The following LRRIQ3 variants were observed in gnomAD, a reference collection of about 807,000 sequenced individuals.
The protein encoded by LRRIQ3 is leucine rich repeats and IQ motif containing 3, also known as leucine-rich repeat and IQ domain-containing protein 3.
In LRRIQ3, 75 loss-of-function variants were observed where a neutral mutation model predicts 59.3. The ratio of observed to expected loss-of-function variants is 1.26; its 90% confidence interval spans 1.05 to 1.53. The LOEUF is 1.53. Among genes scored for constraint, LRRIQ3 ranks in the 40% most tolerant of loss-of-function variants. LRRIQ3 has a pLI of 0.00. For missense variants in LRRIQ3, 831 were observed against 710.0 expected (o/e 1.17, Z -1.94); for synonymous variants, 250 against 231.3 (o/e 1.08, Z -0.73).
chr1:74,163,559 T>C (rs1648786692), intron 3 of LRRIQ3, among the ~76,000 whole-genome samples: 1 of 151,676 alleles, frequency 6.6e-6, no homozygotes, highest in African/African-American at 2.4e-5. Context: ...TCTATGGACA[T>C]TCACACAGAT....
At chr1:74,051,265 A>G (rs1387516811) in intron 6 of LRRIQ3, among the ~76,000 whole-genome samples, 1 of 152,168 alleles carries the variant, frequency 6.6e-6, no homozygotes, top group African/African-American at 2.4e-5. Flanking sequence ...AGGAAAACAC[A>G]CTAAAACATG....
At chr1:74,066,989 C>T (rs142674443) in intron 6 of LRRIQ3, among the ~76,000 whole-genome samples, 400 of 152,034 alleles carry the variant, frequency 2.6e-3, no homozygotes, top group African/African-American at 9.2e-3. Context: ...ATTATGTCAC[C>T]CCAATTAAAT....
intron 6 of LRRIQ3, among the ~76,000 whole-genome samples, chr1:74,057,269 A>C (rs1654564302): frequency 6.6e-6 from 1 of 152,098 alleles, no homozygotes. Context: ...ACTCTGAGCC[A>C]AAAGAATACA....
chr1:74,138,382 G>A, intron 4 of LRRIQ3: 3 of 630,216 alleles, frequency 4.8e-6, no homozygotes, highest in Non-Finnish European at 5.9e-6. Context: ...AGTAAACTGG[G>A]GCCAAAATGC....
rs538592051 is a variant in LRRIQ3, at chr1:74,041,551, A to G, written c.1380T>C (p.His460=). The change falls in exon 7 of 8, where the codon CAT becomes CAC. Residue 460 remains histidine, a synonymous_variant. Transcript: ENST00000354431. The part of the protein sequence containing the change: ...RERVRVAVNE[H]LNQKKYATQK... ...GTGTAGCATATTTTTTCTGATTCAA[A>G]TGTTCATTAACAGCTACTCTAACTC... 8.7e-5 allele frequency: 141 copies of G among 1,612,632 alleles called. No homozygotes were observed. Among genetic ancestry groups the G allele is most frequent in the Middle Eastern group, 1.7e-4 (1 of 6,050 alleles).
intron 7 of LRRIQ3, among the ~76,000 whole-genome samples, chr1:74,034,779 T>G (rs565142133): frequency 1.4e-5 from 2 of 141,946 alleles, no homozygotes; most frequent in Middle Eastern, 3.5e-3. Context: ...TTAAATTGCT[T>G]ATAAGTAGGA....
intron 4 of LRRIQ3, among the ~76,000 whole-genome samples, chr1:74,127,092 C>T (rs960377835): frequency 2.6e-5 from 4 of 151,820 alleles, no homozygotes; most frequent in Non-Finnish European, 5.9e-5. Flanking sequence ...GACCTCTGTA[C>T]CATTATATAA....
intron 4 of LRRIQ3, among the ~76,000 whole-genome samples, chr1:74,129,195 T>C (rs1646976919): frequency 6.6e-6 from 1 of 152,034 alleles, no homozygotes; most frequent in African/African-American, 2.4e-5. Context: ...TTCTTCAGTG[T>C]GGCAAGTTCC....
intron 5 of LRRIQ3, chr1:74,108,875 A>T (rs895695739): frequency 2.1e-5 from 8 of 385,920 alleles, no homozygotes; most frequent in Non-Finnish European, 4.1e-5. Flanking sequence ...AAAATGAGAT[A>T]AAAAATATCT....
At chr1:74,158,919 T>C (rs11210425) in intron 3 of LRRIQ3, among the ~76,000 whole-genome samples, 6,056 of 152,152 alleles carry the variant, frequency 0.04, 153 homozygotes, top group South Asian at 0.13. Context: ...GATTATTTCC[T>C]TCCCCTGGGC....
chr1:74,036,605 G>C (rs1044898585), intron 7 of LRRIQ3, among the ~76,000 whole-genome samples: 1 of 152,070 alleles, frequency 6.6e-6, no homozygotes, highest in Non-Finnish European at 1.5e-5. Context: ...TTGTCTATTC[G>C]TAATGTTTGT....
intron 5 of LRRIQ3, among the ~76,000 whole-genome samples, chr1:74,080,338 A>T (rs1417787005): frequency 6.6e-6 from 1 of 151,718 alleles, no homozygotes; most frequent in Non-Finnish European, 1.5e-5. Flanking sequence ...ATTGGAATAG[A>T]TTATCTGAGG....
intron 4 of LRRIQ3, among the ~76,000 whole-genome samples, chr1:74,130,569 T>C (rs1045903489): frequency 6.6e-6 from 1 of 152,090 alleles, no homozygotes; most frequent in African/African-American, 2.4e-5. Flanking sequence ...AAACCAAATA[T>C]AGTGATCACT....
rs1307965318 is a variant in LRRIQ3, at chr1:74,182,778, C to T, written c.333G>A (p.Lys111=). Residue 111 remains lysine, a synonymous_variant, in exon 3 of 8, where the codon AAG becomes AAA. Transcript: ENST00000354431. ...CAGATAATACACATATATTCTTTAA[C>T]TTTGCAAACCCATTGTCATGAAGAT... ...LLYLHDNGFA[K]LKNICVLSAC... is the part of the protein sequence containing the mutation. 1.9e-6 allele frequency: 3 copies of T among 1,610,530 alleles called. No individual in the cohort carries two copies. The highest frequency in any genetic ancestry group is 1.7e-5 in the Admixed American group (1 of 59,660).
chr1:74,038,864 A>G (rs1298666493), intron 7 of LRRIQ3, among the ~76,000 whole-genome samples: 1 of 152,204 alleles, frequency 6.6e-6, no homozygotes, highest in East Asian at 1.9e-4. Flanking sequence ...CATGAAGATG[A>G]GAACGAATCA....
At chr1:74,098,541 G>A (rs1435176690) in intron 5 of LRRIQ3, among the ~76,000 whole-genome samples, 1 of 152,066 alleles carries the variant, frequency 6.6e-6, no homozygotes, top group Non-Finnish European at 1.5e-5. Flanking sequence ...ACTCAGCTCT[G>A]CACCAAGCAG....
intron 5 of LRRIQ3, among the ~76,000 whole-genome samples, chr1:74,092,419 T>C (rs1234096199): frequency 1.3e-5 from 2 of 151,910 alleles, no homozygotes; most frequent in Non-Finnish European, 2.9e-5. Context: ...TGTAAAACAT[T>C]TGACACCACC....
chr1:74,098,753 C>T (rs926302063), intron 5 of LRRIQ3, among the ~76,000 whole-genome samples: 3 of 152,216 alleles, frequency 2.0e-5, no homozygotes, highest in African/African-American at 2.4e-5. Context: ...CAGAAACTCA[C>T]TCAAAACCAC....
intron 2 of LRRIQ3, 147 bp from the exon 3 acceptor site, chr1:74,183,008 C>T: frequency 2.1e-6 from 1 of 482,350 alleles, no homozygotes; most frequent in East Asian, 3.3e-5. Flanking sequence ...TATAATTATC[C>T]AATGATGGCC....
Sources: gnomAD v4.1 joint callset for allele counts (sites outside exome capture counted in the v4.1 genomes callset) on GRCh38, gnomAD v4.1.1 for gene constraint, MANE v1.5 for transcripts, NCBI Gene and HGNC (gene_info 2026-07-23, HGNC 2026-07-21) for gene names.